Variants in TNS4 observed in about 807,000 individuals in gnomAD.
TNS4 encodes the protein tensin-4.
A neutral mutation model predicts 70.4 loss-of-function variants in TNS4; 46 were observed. The ratio of observed to expected loss-of-function variants is 0.65; its 90% CI spans 0.52 to 0.84. The LOEUF (loss-of-function observed/expected upper bound fraction) is 0.84. TNS4 is among the 40% of genes least tolerant of loss of function. The pLI is 0.00. For synonymous variants in TNS4, 390 were observed against 366.6 expected (o/e 1.06, Z -0.73); for missense variants, 863 against 907.0 (o/e 0.95, Z 0.62).
intron 2 of TNS4, among the ~76,000 whole-genome samples, chr17:40,494,640 G>A (rs1299183071): frequency 6.6e-6 from 1 of 151,464 alleles, no homozygotes; most frequent in Non-Finnish European, 1.5e-5. Flanking sequence ...GCTGAGGCAG[G>A]AGAATTGCTT....
At chr17:40,484,129 T>G (rs1052389477) in intron 6 of TNS4, among the ~76,000 whole-genome samples, 51 of 152,224 alleles carry the variant, frequency 3.4e-4, no homozygotes, top group Admixed American at 3.3e-3. Flanking sequence ...ATAAGCTAGC[T>G]GCGTGTGTAA....
rs752230919 is a variant in TNS4, at chr17:40,482,223, A to T, written c.1595-17T>A. The T allele has an allele frequency of 6.2e-7, 1 of 1,614,160 alleles. No individual in the cohort carries two copies. The highest frequency in any genetic ancestry group is 8.5e-7 in the Non-Finnish European group (1 of 1,180,012). ...AGAGGCTCCCTGAAAGGAAGCAAGC[A>T]GCCCTGCATGAGTAGAGCTTCCCCA... On this transcript the variant is annotated splice_polypyrimidine_tract_variant and intron_variant, in intron 7 of 12. Transcript: ENST00000254051.
At position 40,484,961 on chromosome 17, in the gene TNS4, T is replaced by C. The variant is rs1196849691; in HGVS notation, c.1335A>G (p.Thr445=). The part of the protein sequence containing the change: ...MQPTMKFVMD[T]SKYWFKPNIT... ...TGTTTGGCTTAAACCAGTATTTAGATGTGTCCATCACGAACTTCATGGTGG... is the reference window on the plus strand; with the variant it reads ...TGTTTGGCTTAAACCAGTATTTAGACGTGTCCATCACGAACTTCATGGTGG... The change falls in exon 5 of 13, where the codon ACA becomes ACG. Residue 445 remains threonine (T), a synonymous_variant. Coordinates refer to ENST00000254051, the MANE Select transcript of TNS4 (RefSeq NM_032865.6). 3 of 1,614,222 alleles carry C rather than the reference T, an allele frequency of 1.9e-6. No individual in the cohort carries two copies. Among genetic ancestry groups the C allele is most frequent in the Admixed American group, 3.3e-5 (2 of 60,034 alleles).
Position 40,482,342 on chromosome 17 carries a change from C to T in TNS4, c.1576G>A (p.Asp526Asn), listed in dbSNP as rs1286463648. 2.5e-6 allele frequency: 4 copies of T among 1,614,206 alleles called. No individual in the cohort carries two copies. The South Asian group carries it at 4.4e-5, about 18-fold the overall frequency. The change falls in exon 7 of 13, where the codon GAT becomes AAT. Residue 526 changes from aspartate (D) to asparagine (N), a missense_variant. Physicochemically the swap from Asp to Asn is conservative, Grantham distance 23. Transcript: ENST00000254051. ...SAKGVHLKGA[D>N]EEPYFGSLSA... is the part of the protein sequence containing the mutation. ...GTCTCACCAAAGTAGGGCTCCTCAT[C>T]TGCTCCTTTGAGATGCACTCCTTTG...
chr17:40,497,078 A>T (rs2143831778), intron 1 of TNS4, among the ~76,000 whole-genome samples: 1 of 152,312 alleles, frequency 6.6e-6, no homozygotes, highest in South Asian at 2.1e-4. Context: ...CGGCTGCCTG[A>T]TGTCTGAGCA....
intron 10 of TNS4, among the ~76,000 whole-genome samples, chr17:40,478,946 T>C (rs2035886207): frequency 6.6e-6 from 1 of 152,210 alleles, no homozygotes; most frequent in Non-Finnish European, 1.5e-5. Flanking sequence ...AATTACATCT[T>C]GGTCATCTCT....
intron 6 of TNS4, 80 bp from the exon 7 acceptor site, chr17:40,482,496 C>A (rs1187700441): frequency 2.8e-6 from 4 of 1,410,434 alleles, no homozygotes; most frequent in Non-Finnish European, 4.0e-6. Context: ...GTAATCCCAG[C>A]ACTTTGGGAG....
At position 40,488,671 on chromosome 17, in the gene TNS4, C is replaced by A; in HGVS notation, c.738G>T (p.Leu246Phe). ...TTGGAGAAGCCACCAGCGGGGAGCCCAAACCATGGGGGCTCGAGGCCTTGC... is the reference window on the plus strand; with the variant it reads ...TTGGAGAAGCCACCAGCGGGGAGCCAAAACCATGGGGGCTCGAGGCCTTGC... ...MGSKASSPHGLGSPLVASPRL... is the reference protein window; with the variant it reads ...MGSKASSPHGFGSPLVASPRL... The change falls in exon 3 of 13, where the codon TTG becomes TTT. Residue 246 changes from leucine to phenylalanine, a missense_variant. Physicochemically the swap from Leu to Phe is conservative, Grantham distance 22. Coordinates refer to ENST00000254051, the MANE Select transcript of TNS4 (RefSeq NM_032865.6). 4 of 1,570,416 alleles carry A rather than the reference C, an allele frequency of 2.5e-6. No homozygotes were observed. Among genetic ancestry groups the A allele is most frequent in the Non-Finnish European group, 3.5e-6 (4 of 1,157,756 alleles).
intron 2 of TNS4, among the ~76,000 whole-genome samples, chr17:40,494,334 A>G (rs2036112637): frequency 6.6e-6 from 1 of 152,272 alleles, no homozygotes; most frequent in African/African-American, 2.4e-5. Context: ...GACACATAGC[A>G]GTGAAGCAAG....
At position 40,484,959 on chromosome 17, in the gene TNS4, GATGTGTCC is replaced by G; in HGVS notation, c.1329_1336del (p.Met443IlefsTer2). Reference sequence around the variant, plus strand: ...GATGTTTGGCTTAAACCAGTATTTAGATGTGTCCATCACGAACTTCATGGTGGGCTGCA... The same window carrying G: ...GATGTTTGGCTTAAACCAGTATTTAGATCACGAACTTCATGGTGGGCTGCA... On this transcript the variant is annotated frameshift_variant, in exon 5 of 13. Coordinates refer to ENST00000254051, the MANE Select transcript of TNS4 (RefSeq NM_032865.6). LOFTEE classifies it high-confidence loss of function. 6.2e-7 allele frequency: 1 copy of G among 1,614,236 alleles called. No homozygotes were observed. Among genetic ancestry groups the G allele is most frequent in the Non-Finnish European group, 8.5e-7 (1 of 1,180,048 alleles).
rs199827841 is a variant in TNS4, at chr17:40,491,375, A to T, written c.440-2406T>A. Among the ~76,000 whole-genome samples, 11 of 152,310 alleles carry T rather than the reference A, an allele frequency of 7.2e-5. No individual in the cohort carries two copies. The East Asian group carries it at 1.9e-3, about 27-fold the overall frequency. On this transcript the variant is annotated intron_variant, in intron 2 of 12. Coordinates refer to ENST00000254051, the MANE Select transcript of TNS4 (RefSeq NM_032865.6). ...CATGACAACTCTGTGGAAGTAGGGG[A>T]TATTATTAATGCCCATATAACAGAT...
In TNS4 at chr17:40,496,336, TGGGTGCA is replaced by T. The variant is rs1382921921; in HGVS notation, c.83_89del (p.Leu28GlnfsTer24). The T allele has an allele frequency of 1.9e-6, 3 of 1,613,598 alleles. No homozygotes were observed. The highest frequency in any genetic ancestry group is 1.7e-4 in the Middle Eastern group (1 of 5,784). Reference sequence around the variant, plus strand: ...GGGGTGGCAGGCTGGGGCTGGGTGCTGGGTGCAGGGTCCTCCTGGGCTCATCACAAGG... The same window carrying T: ...GGGGTGGCAGGCTGGGGCTGGGTGCTGGGTCCTCCTGGGCTCATCACAAGG... On this transcript the variant is annotated frameshift_variant, in exon 2 of 13. Transcript: ENST00000254051. LOFTEE classifies it high-confidence loss of function.
At chr17:40,501,060 C>T (rs761426141) in intron 1 of TNS4, among the ~76,000 whole-genome samples, 36 of 152,220 alleles carry the variant, frequency 2.4e-4, no homozygotes, top group Non-Finnish European at 4.7e-4. Flanking sequence ...CTGAACTCCG[C>T]GGTCTGTGAT....
intron 1 of TNS4, 36 bp from the exon 2 acceptor site, chr17:40,496,556 T>G (rs2036148493): frequency 2.1e-6 from 2 of 942,700 alleles, no homozygotes; most frequent in Non-Finnish European, 1.5e-6. Flanking sequence ...GAGTAATTTC[T>G]GTAGGTGAAG....
intron 2 of TNS4, among the ~76,000 whole-genome samples, chr17:40,491,857 G>A (rs565772660): frequency 2.0e-4 from 30 of 152,212 alleles, no homozygotes. Flanking sequence ...GGTGAGGGGT[G>A]GAGAGATACT....
In TNS4 at chr17:40,484,555, G is replaced by C; in HGVS notation, c.1430C>G (p.Ser477Cys). The C allele has an allele frequency of 6.2e-7, 1 of 1,612,908 alleles. No homozygotes were observed. The highest frequency in any genetic ancestry group is 8.5e-7 in the Non-Finnish European group (1 of 1,180,012). ...EPGAFVIRDS[S>C]SYRGSFGLAL... is the part of the protein sequence containing the mutation. ...CAGGCCGAAGGAGCCTCGGTATGAA[G>C]AGCTGTCCCTTATGACAAAAGCCCC... Residue 477 changes from serine to cysteine, a missense_variant, in exon 6 of 13, where the codon TCT (serine) becomes TGT (cysteine). By Grantham distance (112) the Ser-to-Cys change is moderately radical (BLOSUM62 -1). Transcript: ENST00000254051.
In TNS4 at chr17:40,488,690, G is replaced by T. The variant is rs2036024836; in HGVS notation, c.719C>A (p.Ala240Asp). 1.3e-6 allele frequency: 2 copies of T among 1,582,710 alleles called. No individual in the cohort carries two copies. The highest frequency in any genetic ancestry group is 3.7e-5 in the Admixed American group (2 of 54,114). The change falls in exon 3 of 13, where the codon GCC becomes GAC. Residue 240 changes from alanine to aspartate, a missense_variant. Physicochemically the swap from Ala to Asp is moderately radical, Grantham distance 126. Transcript: ENST00000254051. Reference protein sequence around the residue: ...SISIPCMGSKASSPHGLGSPL... With the variant: ...SISIPCMGSKDSSPHGLGSPL... ...GGAGCCCAAACCATGGGGGCTCGAG[G>T]CCTTGCTCCCCATGCAAGGGATTGA...
rs1347565118 is a variant in TNS4, at chr17:40,479,712, G to A, written c.1872C>T (p.Val624=). Residue 624 remains valine, a synonymous_variant, in exon 10 of 13, where the codon GTC becomes GTT. Coordinates refer to ENST00000254051, the MANE Select transcript of TNS4 (RefSeq NM_032865.6). ...CAGTCAGAGTGATGCCCTGCTCTGT[G>A]ACTTTGAAGTGGACCACGGTGGGCG... The part of the protein sequence containing the change: ...LPTPTVVHFK[V]TEQGITLTDV... 1 of 1,614,110 alleles carries A rather than the reference G, an allele frequency of 6.2e-7. No individual in the cohort carries two copies. Among genetic ancestry groups the A allele is most frequent in the Non-Finnish European group, 8.5e-7 (1 of 1,180,020 alleles).
intron 2 of TNS4, 95 bp from the exon 3 acceptor site, chr17:40,489,064 C>T (rs1410809694): frequency 8.0e-7 from 1 of 1,243,938 alleles, no homozygotes; most frequent in East Asian, 2.4e-5. Flanking sequence ...TTCTGTCCCC[C>T]CTCTTTTATA....
Sources: allele counts gnomAD v4.1 joint callset (sites outside exome capture counted in the v4.1 genomes callset), GRCh38; gene constraint gnomAD v4.1.1; transcripts MANE v1.5; gene names NCBI Gene and HGNC (gene_info 2026-07-23, HGNC 2026-07-21).